CCM2: variants seen among roughly 807,000 people sequenced by gnomAD.
The protein encoded by CCM2 is CCM2 scaffold protein.
In CCM2, 25 loss-of-function variants were observed where a neutral mutation model predicts 44.9. The observed-to-expected ratio is 0.56, with a 90% CI of 0.41 to 0.78. The LOEUF (loss-of-function observed/expected upper bound fraction) is 0.78. Among genes scored for constraint, CCM2 ranks in the 30% least tolerant of loss-of-function variants. The pLI is 0.00. For missense variants in CCM2, 481 were observed against 580.6 expected (o/e 0.83, Z 1.76); for synonymous variants, 219 against 241.1 (o/e 0.91, Z 0.85).
At chr7:45,068,031 A>G (rs1474600553) in intron 4 of CCM2, 1 of 278,276 alleles carries the variant, frequency 3.6e-6, no homozygotes, top group Non-Finnish European at 7.1e-6. Context: ...GACCGTCTAG[A>G]TTGCCATGTG....
chr7:45,075,887 C>G lies in CCM2; in HGVS notation c.1165C>G (p.Arg389Gly), dbSNP rs1413642987. The change falls in exon 10 of 10, where the codon CGG becomes GGG. Residue 389 changes from arginine to glycine, a missense_variant. Transcript: ENST00000258781. ...GIITDSFGRH[R>G]RALSTTSSST... ...CATCACTGACAGCTTTGGCAGGCAC[C>G]GGCGGGCCCTGAGCACCACATCCAG... 1.9e-6 allele frequency: 3 copies of G among 1,613,352 alleles called. No homozygotes were observed. Among genetic ancestry groups the G allele is most frequent in the Admixed American group, 3.3e-5 (2 of 60,022 alleles).
intron 2 of CCM2, among the ~76,000 whole-genome samples, chr7:45,044,629 A>G (rs1797668209): frequency 6.6e-6 from 1 of 152,158 alleles, no homozygotes; most frequent in African/African-American, 2.4e-5. Flanking sequence ...CTGTCTTTTT[A>G]TGTTCAGTAG....
At chr7:45,068,188 T>A in intron 4 of CCM2, 1 of 561,912 alleles carries the variant, frequency 1.8e-6, no homozygotes, top group East Asian at 3.2e-5. Flanking sequence ...CTGTTGTATA[T>A]GAACTTGAAG....
At chr7:45,059,304 C>T (rs563176831) in intron 2 of CCM2, among the ~76,000 whole-genome samples, 55 of 151,562 alleles carry the variant, frequency 3.6e-4, no homozygotes, top group African/African-American at 1.3e-3. Flanking sequence ...AAGTTTTGGC[C>T]AGGCATGGTG....
intron 5 of CCM2, among the ~76,000 whole-genome samples, chr7:45,069,442 T>A (rs6967730): frequency 1.3e-5 from 2 of 152,108 alleles, no homozygotes; most frequent in Non-Finnish European, 2.9e-5. Flanking sequence ...CTGTTAGAAA[T>A]GCCTCCAGGT....
chr7:45,066,923 C>T (rs867179786), intron 4 of CCM2, among the ~76,000 whole-genome samples: 7 of 145,692 alleles, frequency 4.8e-5, no homozygotes, highest in Non-Finnish European at 9.0e-5. Context: ...TTTTTTGAGA[C>T]GGAGTCTCGC....
intron 3 of CCM2, 112 bp from the exon 4 acceptor site, chr7:45,064,351 A>T (rs1388916103): frequency 5.8e-6 from 6 of 1,035,744 alleles, no homozygotes; most frequent in Non-Finnish European, 7.3e-6. Flanking sequence ...GACCTTATTC[A>T]CTCAGCATTT....
chr7:45,008,356 CTTTTTTTT>C (rs59435094), intron 1 of CCM2, among the ~76,000 whole-genome samples: 1 of 114,792 alleles, frequency 8.7e-6, no homozygotes, highest in African/African-American at 4.1e-5. Context: ...GGTACATGTT[CTTTTTTTT>C]TTTTTTTTTT....
intron 2 of CCM2, 132 bp from the exon 3 acceptor site, chr7:45,063,786 C>T (rs1395746650): frequency 1.1e-5 from 8 of 719,406 alleles, no homozygotes; most frequent in South Asian, 2.9e-5. Context: ...GGCCTCCACG[C>T]GAGCCGGAAT....
In CCM2 at chr7:45,076,236, A is replaced by T; in HGVS notation, c.*179A>T. On this transcript the variant is annotated 3_prime_UTR_variant, in exon 10 of 10. Transcript: ENST00000258781. Reference sequence around the variant, plus strand: ...AAGGAGCAGGGAGCTGCCGAGGGACACGAGCCTCAGTGCGGGGTGGAAGGC... The same window carrying T: ...AAGGAGCAGGGAGCTGCCGAGGGACTCGAGCCTCAGTGCGGGGTGGAAGGC... The T allele has an allele frequency of 1.2e-6, 1 of 865,180 alleles. No individual in the cohort carries two copies. Among genetic ancestry groups the T allele is most frequent in the East Asian group, 2.7e-5 (1 of 37,636 alleles). 53.6% of individuals were successfully genotyped at this position (865,180 alleles called of 1,614,324 possible).
chr7:45,054,755 T>G (rs1798178580), intron 2 of CCM2, among the ~76,000 whole-genome samples: 1 of 152,204 alleles, frequency 6.6e-6, no homozygotes, highest in African/African-American at 2.4e-5. Flanking sequence ...TGGTCCTCTC[T>G]CTTGTAGCTG....
chr7:45,006,678 A>G (rs540483701), intron 1 of CCM2, among the ~76,000 whole-genome samples: 46 of 152,278 alleles, frequency 3.0e-4, no homozygotes, highest in African/African-American at 1.0e-3. Context: ...GATTGAGGTA[A>G]AATGAGGTAA....
At chr7:45,056,462 C>G (rs1480785061) in intron 2 of CCM2, among the ~76,000 whole-genome samples, 2 of 152,086 alleles carry the variant, frequency 1.3e-5, no homozygotes, top group East Asian at 3.9e-4. Context: ...CAAGACCAGC[C>G]TAGGCAACAT....
At chr7:45,035,825 AC>A (rs1175737204) in intron 1 of CCM2, among the ~76,000 whole-genome samples, 2 of 152,076 alleles carry the variant, frequency 1.3e-5, no homozygotes, top group African/African-American at 4.8e-5. Flanking sequence ...ATACATATAT[AC>A]ATATATATAT....
In CCM2 at chr7:45,028,682, G is replaced by A. The variant is rs534939195; in HGVS notation, c.31-9571G>A. On this transcript the variant is annotated intron_variant, in intron 1 of 9. Coordinates refer to ENST00000258781, the MANE Select transcript of CCM2 (RefSeq NM_031443.4). Reference sequence around the variant, plus strand: ...AAAAAAAAAGAAAAGAAAGAAATTAGCCGTGTCCTGAGATGCGGGTGCACA... The same window carrying A: ...AAAAAAAAAGAAAAGAAAGAAATTAACCGTGTCCTGAGATGCGGGTGCACA... 4.0e-5 allele frequency among the ~76,000 whole-genome samples: 6 copies of A among 151,826 alleles called. No homozygotes were observed. In the East Asian group the frequency reaches 7.7e-4, roughly 20 times the overall value.
chr7:45,014,138 T>C (rs556041292), intron 1 of CCM2, among the ~76,000 whole-genome samples: 2 of 152,270 alleles, frequency 1.3e-5, no homozygotes, highest in African/African-American at 4.8e-5. Context: ...TTATTTATTT[T>C]AATTATTATT....
At chr7:45,046,035 A>G (rs1866578) in intron 2 of CCM2, among the ~76,000 whole-genome samples, 20,312 of 152,266 alleles carry the variant, frequency 0.13, 1,665 homozygotes, top group Middle Eastern at 0.22. Context: ...ACTCAACCTA[A>G]TTAGTATGTT....
intron 2 of CCM2, among the ~76,000 whole-genome samples, chr7:45,043,202 C>T (rs1005614589): frequency 2.0e-5 from 3 of 152,088 alleles, no homozygotes; most frequent in Non-Finnish European, 4.4e-5. Flanking sequence ...CTCCTAGACT[C>T]AAGCAGTCCT....
chr7:45,052,337 C>T (rs1414157323), intron 2 of CCM2, among the ~76,000 whole-genome samples: 1 of 152,186 alleles, frequency 6.6e-6, no homozygotes, highest in Admixed American at 6.5e-5. Context: ...GCAGGTCTGC[C>T]ACGGTGAAGG....
Sources: allele counts gnomAD v4.1 joint callset (sites outside exome capture counted in the v4.1 genomes callset), GRCh38; gene constraint gnomAD v4.1.1; transcripts MANE v1.5; gene names NCBI Gene and HGNC (gene_info 2026-07-23, HGNC 2026-07-21).